Variants in HEATR5B observed in about 807,000 individuals in gnomAD.
HEATR5B encodes HEAT repeat-containing protein 5B.
HEATR5B carries 156 observed loss-of-function variants against 224.1 expected under a neutral mutation model. That is an observed-to-expected ratio of 0.70 (90% CI 0.61 to 0.80). The LOEUF is 0.80. Among genes scored for constraint, HEATR5B ranks in the 30% least tolerant of loss-of-function variants. HEATR5B has a pLI of 0.00. For missense variants in HEATR5B, 2,323 were observed against 2,535.5 expected, an observed-to-expected ratio of 0.92 and a Z score of 1.80; for synonymous variants, 1,027 against 893.0, an observed-to-expected ratio of 1.15 and a Z score of -2.68.
intron 24 of HEATR5B, among the ~76,000 whole-genome samples, chr2:37,024,252 T>C (rs1056430228): frequency 6.6e-6 from 1 of 152,104 alleles, no homozygotes; most frequent in Non-Finnish European, 1.5e-5. Context: ...AAGGGTAAGA[T>C]GGGGATATGT....
Position 37,062,016 on chromosome 2 carries a change from G to A in HEATR5B, c.1619C>T (p.Thr540Ile). 6.2e-7 allele frequency: 1 copy of A among 1,613,702 alleles called. No homozygotes were observed. The highest frequency in any genetic ancestry group is 8.5e-7 in the Non-Finnish European group (1 of 1,179,646). Residue 540 changes from threonine to isoleucine, a missense_variant, in exon 11 of 36, where the codon ACT becomes ATT. Physicochemically the swap from Thr to Ile is moderately conservative, Grantham distance 89 (BLOSUM62 -1). Around this residue, in one of 12 missense-constraint regions of HEATR5B, gnomAD observed 502 missense variants for 517.8 expected, o/e 0.97. Coordinates refer to ENST00000233099, the MANE Select transcript of HEATR5B (RefSeq NM_019024.3). ...VVSIAEDLLR[T>I]AAQNSRLSLQ... ...AGATAGCCTGCTATTTTGGGCAGCA[G>A]TTCGTAAAAGATCTTCAGCAATACT...
At chr2:37,027,362 C>G (rs1436301307) in intron 24 of HEATR5B, among the ~76,000 whole-genome samples, 1 of 151,966 alleles carries the variant, frequency 6.6e-6, no homozygotes, top group Non-Finnish European at 1.5e-5. Flanking sequence ...TGTAAATTCC[C>G]TATAATAACA....
At chr2:37,030,753 G>T (rs554186584) in intron 22 of HEATR5B, among the ~76,000 whole-genome samples, 19 of 152,310 alleles carry the variant, frequency 1.2e-4, no homozygotes, top group African/African-American at 4.3e-4. Context: ...GGAGGTTAAA[G>T]ATATTTGTTA....
chr2:37,059,786 T>G (rs1671165524), intron 12 of HEATR5B, among the ~76,000 whole-genome samples: 1 of 152,018 alleles, frequency 6.6e-6, no homozygotes, highest in Non-Finnish European at 1.5e-5. Context: ...CATTTTGAAT[T>G]TTTACATATA....
rs1442900717 is a variant in HEATR5B at position 37,065,901 on chromosome 2, A to C, written c.1187T>G (p.Val396Gly). The change falls in exon 9 of 36, where the codon GTG becomes GGG. Residue 396 changes from valine to glycine, a missense_variant. Transcript: ENST00000233099. ...TTTGTTTTCTCCACTTGTGTCATTC[A>C]CTACTGCTTCTGGAAACACAAAATC... is the stretch of plus-strand genomic sequence containing the variant. ...GKQMKAVEAV[V>G]NDTSGENKSG... The C allele has an allele frequency of 6.2e-7, 1 of 1,605,644 alleles. No homozygotes were observed. Among genetic ancestry groups the C allele is most frequent in the South Asian group, 1.1e-5 (1 of 90,390 alleles).
intron 16 of HEATR5B, among the ~76,000 whole-genome samples, chr2:37,055,607 C>G (rs1670857534): frequency 6.6e-6 from 1 of 152,090 alleles, no homozygotes; most frequent in Non-Finnish European, 1.5e-5. Flanking sequence ...AATCAAGCAA[C>G]CTACATATTA....
At chr2:37,034,643 A>G (rs1203602584) in intron 21 of HEATR5B, among the ~76,000 whole-genome samples, 3 of 143,764 alleles carry the variant, frequency 2.1e-5, no homozygotes, top group Non-Finnish European at 4.5e-5. Context: ...AAAAAAAGAC[A>G]TCGCCCAGGC....
At chr2:37,011,518 CAT>C (rs1157147512) in intron 27 of HEATR5B, among the ~76,000 whole-genome samples, 4 of 152,148 alleles carry the variant, frequency 2.6e-5, no homozygotes, top group Non-Finnish European at 5.9e-5. Flanking sequence ...AAAAATGACT[CAT>C]AACCTCAATT....
At chr2:37,005,984 G>C (rs974054684) in intron 29 of HEATR5B, among the ~76,000 whole-genome samples, 1 of 152,086 alleles carries the variant, frequency 6.6e-6, no homozygotes, top group Non-Finnish European at 1.5e-5. Flanking sequence ...TGTGAAAGAA[G>C]GAATTCCCAT....
intron 9 of HEATR5B, 104 bp from the exon 10 acceptor site, chr2:37,065,094 T>C (rs1671509377): frequency 8.6e-7 from 1 of 1,168,138 alleles, no homozygotes; most frequent in East Asian, 2.6e-5. Context: ...ATCACCAAGC[T>C]TTCACACATA....
intron 17 of HEATR5B, among the ~76,000 whole-genome samples, chr2:37,052,311 T>A (rs1670610862): frequency 6.6e-6 from 1 of 152,186 alleles, no homozygotes; most frequent in Non-Finnish European, 1.5e-5. Context: ...AAGGCCCACC[T>A]TGGATGTCTG....
chr2:37,078,280 T>A (rs571097184), intron 3 of HEATR5B, among the ~76,000 whole-genome samples: 1 of 152,234 alleles, frequency 6.6e-6, no homozygotes, highest in African/African-American at 2.4e-5. Context: ...GGGAATCAAC[T>A]TTCACCTCTT....
chr2:37,017,206 G>A (rs1572813823), intron 26 of HEATR5B, among the ~76,000 whole-genome samples: 1 of 152,178 alleles, frequency 6.6e-6, no homozygotes, highest in East Asian at 1.9e-4. Flanking sequence ...CCAACACGGT[G>A]AAACCCCGTC....
At chr2:37,027,891 C>T (rs753166261) in intron 24 of HEATR5B, 32 bp downstream of exon 24, 9 of 1,604,314 alleles carry the variant, frequency 5.6e-6, no homozygotes, top group Non-Finnish European at 6.8e-6. Context: ...TGTAAAAATG[C>T]TTTGGGGAAA....
chr2:37,084,003 G>A (rs1572967540), intron 1 of HEATR5B, among the ~76,000 whole-genome samples: 1 of 152,302 alleles, frequency 6.6e-6, no homozygotes, highest in Middle Eastern at 3.4e-3. Flanking sequence ...GAATGCACCC[G>A]AGAAGCCTCG....
At chr2:37,047,351 A>G (rs1042037763) in intron 18 of HEATR5B, among the ~76,000 whole-genome samples, 6 of 152,214 alleles carry the variant, frequency 3.9e-5, no homozygotes. Flanking sequence ...TGAGGAATAA[A>G]GAAGTTAAGA....
At position 37,070,221 on chromosome 2, in the gene HEATR5B, G is replaced by A; in HGVS notation, c.927+9C>T. ...GGCCAAAATTCTTTCACACATACGT[G>A]TTACAAACCTGCGTAACTCCAACTC... On this transcript the variant is annotated intron_variant, in intron 7 of 35. Transcript: ENST00000233099. The A allele has an allele frequency of 6.2e-7, 1 of 1,613,762 alleles. No homozygotes were observed. The highest frequency in any genetic ancestry group is 8.5e-7 in the Non-Finnish European group (1 of 1,179,830).
intron 35 of HEATR5B, among the ~76,000 whole-genome samples, chr2:36,982,548 C>G (rs1665653249): frequency 6.6e-6 from 1 of 151,950 alleles, no homozygotes; most frequent in African/African-American, 2.4e-5. Flanking sequence ...CGCGTTCTCC[C>G]CCTTAATTAC....
At chr2:37,003,259 G>A (rs542406097) in intron 31 of HEATR5B, among the ~76,000 whole-genome samples, 12 of 36,570 alleles carry the variant, frequency 3.3e-4, no homozygotes, top group African/African-American at 2.0e-3. Context: ...TGTCCCGCCC[G>A]CAAAAAAAAA....
Sources: allele counts gnomAD v4.1 joint callset (sites outside exome capture counted in the v4.1 genomes callset), GRCh38; gene constraint gnomAD v4.1.1; regional missense constraint gnomAD v4.1.1; transcripts MANE v1.5; gene names NCBI Gene and HGNC (gene_info 2026-07-23, HGNC 2026-07-21).